The following RBFOX1 variants were observed in gnomAD, a reference collection of about 807,000 sequenced individuals.
RBFOX1 encodes the protein RNA binding protein fox-1 homolog 1.
In RBFOX1, 8 loss-of-function variants were observed where a neutral mutation model predicts 57.7. That is an observed-to-expected ratio of 0.14 (90% CI 0.08 to 0.25). RBFOX1 has a LOEUF of 0.25. Ranked by LOEUF, RBFOX1 falls within the 10% of genes least tolerant of loss-of-function variation. The pLI is 1.00. For synonymous variants in RBFOX1, 326 were observed against 222.4 expected (o/e 1.47, Z -4.15); for missense variants, 611 against 548.5 (o/e 1.11, Z -1.14).
chr16:7,000,597 T>TTTTTTC (rs2092699993), intron 3 of RBFOX1, among the ~76,000 whole-genome samples: 3 of 47,362 alleles, frequency 6.3e-5, no homozygotes, highest in African/African-American at 2.7e-4. Context: ...TTTTTCTTTC[T>TTTTTTC]TTTTTTTTTT....
At chr16:6,685,168 T>C (rs1041568893) in intron 3 of RBFOX1, among the ~76,000 whole-genome samples, 2 of 152,210 alleles carry the variant, frequency 1.3e-5, no homozygotes, top group Non-Finnish European at 2.9e-5. Flanking sequence ...CTTTTCTTTA[T>C]TCCTGCTGTA....
At chr16:7,422,870 GCTTTTT>G (rs2098555807) in intron 4 of RBFOX1, 1 of 152,058 alleles carries the variant, frequency 6.6e-6, no homozygotes, top group Non-Finnish European at 1.5e-5. Flanking sequence ...TATTCCTGAT[GCTTTTT>G]CTTCTGCCTC....
At chr16:5,771,771 C>G (rs2053985500) in intron 3 of RBFOX1, among the ~76,000 whole-genome samples, 1 of 152,118 alleles carries the variant, frequency 6.6e-6, no homozygotes, top group African/African-American at 2.4e-5. Context: ...AATTCTTGCT[C>G]TGTATGTTGT....
chr16:6,879,036 A>G (rs2062387520), intron 3 of RBFOX1, among the ~76,000 whole-genome samples: 1 of 152,188 alleles, frequency 6.6e-6, no homozygotes, highest in Admixed American at 6.5e-5. Context: ...CCATTTGACC[A>G]CACGTGTAGT....
chr16:6,217,174 CTTTTTTTT>C (rs71142697), intron 1 of RBFOX1, among the ~76,000 whole-genome samples: 2 of 119,060 alleles, frequency 1.7e-5, no homozygotes, highest in Admixed American at 1.9e-4. Context: ...TTAGGGGATT[CTTTTTTTT>C]TTTTTTTTTT....
intron 3 of RBFOX1, among the ~76,000 whole-genome samples, chr16:7,032,546 C>G (rs764226680): frequency 1.3e-5 from 2 of 151,954 alleles, no homozygotes; most frequent in Non-Finnish European, 2.9e-5. Context: ...TCAGCTAAAT[C>G]TTATGTGGGA....
At chr16:7,294,061 G>A (rs180876661) in intron 4 of RBFOX1, among the ~76,000 whole-genome samples, 7 of 152,254 alleles carry the variant, frequency 4.6e-5, no homozygotes, top group Admixed American at 4.6e-4. Flanking sequence ...TCATGAAAGA[G>A]GAAAAAGAGA....
At chr16:6,393,572 T>A (rs902769142) in intron 2 of RBFOX1, among the ~76,000 whole-genome samples, 2 of 152,214 alleles carry the variant, frequency 1.3e-5, no homozygotes, top group Non-Finnish European at 2.9e-5. Flanking sequence ...TGCACCCTTC[T>A]CAGTTCCCTT....
At chr16:7,051,026 T>A (rs1291237424) in intron 3 of RBFOX1, among the ~76,000 whole-genome samples, 1 of 152,116 alleles carries the variant, frequency 6.6e-6, no homozygotes, top group Admixed American at 6.5e-5. Flanking sequence ...AAAATATACA[T>A]CAAAAGTTGG....
chr16:7,281,513 C>T (rs1031780414), intron 4 of RBFOX1, among the ~76,000 whole-genome samples: 1 of 152,048 alleles, frequency 6.6e-6, no homozygotes, highest in Non-Finnish European at 1.5e-5. Flanking sequence ...GGATTGCACA[C>T]ATACACACAC....
chr16:6,780,286 C>CATATATATATTT (rs2080612432), intron 3 of RBFOX1, among the ~76,000 whole-genome samples: 1 of 49,232 alleles, frequency 2.0e-5, no homozygotes, highest in Non-Finnish European at 3.2e-5. Flanking sequence ...TATATTTATA[C>CATATATATATTT]ATATATATAT....
At chr16:7,185,447 G>C (rs13334230) in intron 4 of RBFOX1, among the ~76,000 whole-genome samples, 1 of 151,950 alleles carries the variant, frequency 6.6e-6, no homozygotes, top group Non-Finnish European at 1.5e-5. Context: ...TCTGCAAATG[G>C]TAAGACTAGA....
intron 4 of RBFOX1, among the ~76,000 whole-genome samples, chr16:7,144,152 A>G (rs575277932): frequency 4.3e-4 from 66 of 152,178 alleles, no homozygotes; most frequent in Non-Finnish European, 7.2e-4. Context: ...CTAGTTTGCA[A>G]AAATGATTGT....
At chr16:7,100,075 C>T (rs74451733) in intron 4 of RBFOX1, among the ~76,000 whole-genome samples, 5,699 of 151,470 alleles carry the variant, frequency 0.038, 395 homozygotes, top group African/African-American at 0.13. Context: ...AGGGTGGTCA[C>T]CTTCAAATTT....
At chr16:5,858,678 G>T (rs2057132730) in intron 3 of RBFOX1, among the ~76,000 whole-genome samples, 1 of 152,224 alleles carries the variant, frequency 6.6e-6, no homozygotes, top group African/African-American at 2.4e-5. Flanking sequence ...GAGAAACCTT[G>T]TGCGTTTTCT....
intron 1 of RBFOX1, among the ~76,000 whole-genome samples, chr16:5,391,386 C>T (rs2066402964): frequency 6.6e-6 from 1 of 152,140 alleles, no homozygotes; most frequent in Non-Finnish European, 1.5e-5. Flanking sequence ...TGCCTGCATT[C>T]CTTCACTAGT....
chr16:6,501,964 T>C (rs1323852311), intron 2 of RBFOX1, among the ~76,000 whole-genome samples: 1 of 152,212 alleles, frequency 6.6e-6, no homozygotes, highest in Non-Finnish European at 1.5e-5. Context: ...ATAAGATTTC[T>C]GCTTTTGTAA....
At chr16:7,318,011 T>C (rs1290806500) in intron 4 of RBFOX1, among the ~76,000 whole-genome samples, 1 of 151,542 alleles carries the variant, frequency 6.6e-6, no homozygotes, top group Non-Finnish European at 1.5e-5. Context: ...GTGGTGACGG[T>C]AGCGATGATG....
At chr16:6,132,234 C>T (rs115486637) in intron 1 of RBFOX1, among the ~76,000 whole-genome samples, 2,293 of 152,226 alleles carry the variant, frequency 0.015, 64 homozygotes, top group African/African-American at 0.052. Flanking sequence ...CAATGCTCAG[C>T]AAGTATTCCC....
Sources: allele counts gnomAD v4.1 joint callset (sites outside exome capture counted in the v4.1 genomes callset), GRCh38; gene constraint gnomAD v4.1.1; transcripts MANE v1.5; gene names NCBI Gene and HGNC (gene_info 2026-07-23, HGNC 2026-07-21).